The following RAI1 variants were observed in gnomAD, a reference collection of about 807,000 sequenced individuals.
RAI1 encodes the protein retinoic acid induced 1.
RAI1 carries 9 observed loss-of-function variants against 123.8 expected under a neutral mutation model. The ratio of observed to expected loss-of-function variants is 0.07; its 90% confidence interval spans 0.04 to 0.13. RAI1 has a LOEUF of 0.13. Among genes scored for constraint, RAI1 ranks in the 10% least tolerant of loss-of-function variants. RAI1 has a pLI of 1.00. For synonymous variants in RAI1, 1,231 were observed against 1,127.3 expected (o/e 1.09, Z -1.84); for missense variants, 2,256 against 2,545.8 (o/e 0.89, Z 2.45).
intron 2 of RAI1, among the ~76,000 whole-genome samples, chr17:17,758,453 G>A (rs1009460601): frequency 2.0e-5 from 3 of 152,208 alleles, no homozygotes; most frequent in Non-Finnish European, 4.4e-5. Context: ...GACGGGCTCC[G>A]GGAGCCTCCC....
rs1598096213 is a variant in RAI1 at position 17,800,234 on chromosome 17, T to C, written c.5565+1721T>C. Among the ~76,000 whole-genome samples, 1 of 95,748 alleles carries C rather than the reference T, an allele frequency of 1.0e-5. No homozygotes were observed. The highest frequency in any genetic ancestry group is 2.1e-4 in the East Asian group (1 of 4,656). The allele number at this position is 95,748 out of a possible 152,430, so 62.8% of individuals were successfully genotyped here. A position where few individuals can be genotyped will look rare whatever the true frequency, so the allele number is the denominator to read the frequency against. ...TCTCTCTCTCTCTCTCTCTCATTAC[T>C]GGCTCCTTCCCAGCGCCTTGAAACA... is the stretch of plus-strand genomic sequence containing the variant. On this transcript the variant is annotated intron_variant, in intron 3 of 5. Transcript: ENST00000353383. This position sits in a 1 kb window ranked among gnomAD's most constrained non-coding sequence, Gnocchi z 4.7.
intron 2 of RAI1, among the ~76,000 whole-genome samples, chr17:17,783,207 G>C (rs7405940): frequency 0.013 from 1,990 of 152,162 alleles, 42 homozygotes; most frequent in African/African-American, 0.043. Context: ...GGGGACCGGG[G>C]CACCGAGGAC....
rs746654185 is a variant in RAI1 at position 17,794,900 on chromosome 17, A to T, written c.1952A>T (p.Asp651Val). 1.9e-6 allele frequency: 3 copies of T among 1,613,358 alleles called. No homozygotes were observed. Among genetic ancestry groups the T allele is most frequent in the Non-Finnish European group, 2.5e-6 (3 of 1,179,974 alleles). Residue 651 changes from aspartate to valine, a missense_variant, in exon 3 of 6, where the codon GAC becomes GTC. Coordinates refer to ENST00000353383, the MANE Select transcript of RAI1 (RefSeq NM_030665.4). ...CTGGAGAACCACAGCGCCTGCCTGG[A>T]CTCTGTGGCCAAGAGTGCGTGGCCC... ...FSLENHSACL[D>V]SVAKSAWPRP...
chr17:17,774,456 C>T (rs2031267316), intron 2 of RAI1, among the ~76,000 whole-genome samples: 1 of 152,286 alleles, frequency 6.6e-6, no homozygotes, highest in Non-Finnish European at 1.5e-5. Flanking sequence ...GCAGGGGCCT[C>T]CGGCCCGTCA....
chr17:17,792,832 A>G, intron 2 of RAI1, 101 bp from the exon 3 acceptor site: 2 of 1,000,046 alleles, frequency 2.0e-6, no homozygotes, highest in African/African-American at 1.6e-5. Flanking sequence ...TTCTGAGGCA[A>G]AAGGAAGTGG....
chr17:17,741,621 C>G (rs1233832787), intron 2 of RAI1, among the ~76,000 whole-genome samples: 1 of 152,270 alleles, frequency 6.6e-6, no homozygotes, highest in Admixed American at 6.5e-5. Context: ...GCTTGTTTCT[C>G]CGGGAGCTCA....
intron 2 of RAI1, among the ~76,000 whole-genome samples, chr17:17,760,067 C>T (rs748532414): frequency 2.6e-5 from 4 of 152,190 alleles, no homozygotes; most frequent in Non-Finnish European, 4.4e-5. Flanking sequence ...CCAGAGGGCT[C>T]CCTCCTGGTC....
At chr17:17,775,200 A>AAT (rs1170287486) in intron 2 of RAI1, among the ~76,000 whole-genome samples, 3,629 of 126,028 alleles carry the variant, frequency 0.029, 155 homozygotes, top group African/African-American at 0.092. Context: ...ATTCATGTGT[A>AAT]ATTTTTTTTT....
chr17:17,697,988 C>T (rs1377602854), intron 1 of RAI1, among the ~76,000 whole-genome samples: 1 of 152,184 alleles, frequency 6.6e-6, no homozygotes, highest in Non-Finnish European at 1.5e-5. Context: ...GGGGCATCTG[C>T]TTTTCCATCC....
intron 2 of RAI1, among the ~76,000 whole-genome samples, chr17:17,724,673 G>A (rs1444001838): frequency 6.6e-6 from 1 of 152,146 alleles, no homozygotes; most frequent in Admixed American, 6.5e-5. Flanking sequence ...ATCCTGCTCC[G>A]GGCAACCGAT....
intron 2 of RAI1, among the ~76,000 whole-genome samples, chr17:17,757,061 A>G (rs902589126): frequency 1.4e-4 from 21 of 152,124 alleles, no homozygotes; most frequent in African/African-American, 5.1e-4. Context: ...CTCCATTTAC[A>G]GAGGAGCAGA....
At position 17,794,605 on chromosome 17, in the gene RAI1, G is replaced by T; in HGVS notation, c.1657G>T (p.Val553Leu). Residue 553 changes from valine to leucine, a missense_variant, in exon 3 of 6, where the codon GTG becomes TTG. By Grantham distance (32) the Val-to-Leu change is conservative. Coordinates refer to ENST00000353383, the MANE Select transcript of RAI1 (RefSeq NM_030665.4). Reference sequence around the variant, plus strand: ...CAACTCGAAGGCCAAGCCCGAGTCCGTGTCCACCTGTTCTGTGACCTCTCC... The same window carrying T: ...CAACTCGAAGGCCAAGCCCGAGTCCTTGTCCACCTGTTCTGTGACCTCTCC... The part of the protein sequence containing the change: ...NSNSKAKPES[V>L]STCSVTSPDD... The T allele has an allele frequency of 1.9e-6, 3 of 1,613,196 alleles. No individual in the cohort carries two copies. The highest frequency in any genetic ancestry group is 2.5e-6 in the Non-Finnish European group (3 of 1,180,044).
intron 1 of RAI1, among the ~76,000 whole-genome samples, chr17:17,705,542 G>A (rs184511981): frequency 1.6e-4 from 22 of 139,616 alleles, no homozygotes; most frequent in African/African-American, 5.1e-4. Flanking sequence ...ACGAAACTCC[G>A]TCTCAAAAAA....
Position 17,790,022 on chromosome 17 carries a change from G to A in RAI1, c.-16-2911G>A, listed in dbSNP as rs79432475. Among the ~76,000 whole-genome samples the A allele has an allele frequency of 6.4e-4, 98 of 152,254 alleles. 1 individual carries two copies. The East Asian group carries it at 0.019, about 29-fold the overall frequency. ...CAGGTTCAAAGGTCACCATCGTTCT[G>A]CCGGGGCCAGGGAGGGGGGTGCTCT... On this transcript the variant is annotated intron_variant, in intron 2 of 5. Transcript: ENST00000353383.
At chr17:17,725,803 A>G (rs574354030) in intron 2 of RAI1, among the ~76,000 whole-genome samples, 1 of 152,120 alleles carries the variant, frequency 6.6e-6, no homozygotes, top group South Asian at 2.1e-4. Flanking sequence ...AGGTGAAGGC[A>G]ATTCCTCTCC....
intron 2 of RAI1, among the ~76,000 whole-genome samples, chr17:17,781,600 T>G (rs1346956068): frequency 6.6e-6 from 1 of 151,898 alleles, no homozygotes; most frequent in Non-Finnish European, 1.5e-5. Context: ...GGGAGGGGTC[T>G]GGGTGAGTCT....
At chr17:17,711,873 C>G (rs1915577016) in intron 1 of RAI1, among the ~76,000 whole-genome samples, 1 of 152,258 alleles carries the variant, frequency 6.6e-6, no homozygotes, top group Non-Finnish European at 1.5e-5. Flanking sequence ...GCATTCAACT[C>G]CCGGGACCTG....
At chr17:17,738,160 C>T (rs936630287) in intron 2 of RAI1, among the ~76,000 whole-genome samples, 1 of 151,956 alleles carries the variant, frequency 6.6e-6, no homozygotes, top group African/African-American at 2.4e-5. Context: ...ATGGCAGCTG[C>T]CATGGGAAGG....
chr17:17,803,069 G>A (rs1209007104), intron 3 of RAI1, among the ~76,000 whole-genome samples: 2 of 137,330 alleles, frequency 1.5e-5, no homozygotes, highest in African/African-American at 5.6e-5. Flanking sequence ...CGGGGGGACA[G>A]AGTGAAATTC....
Sources: gnomAD v4.1 joint callset for allele counts (sites outside exome capture counted in the v4.1 genomes callset) on GRCh38, gnomAD v4.1.1 for gene constraint, Gnocchi (gnomAD v3.1) non-coding constraint, MANE v1.5 for transcripts, NCBI Gene and HGNC (gene_info 2026-07-23, HGNC 2026-07-21) for gene names.